MRTFA: variants seen among roughly 807,000 people sequenced by gnomAD.
The protein encoded by MRTFA is myocardin related transcription factor A, also known as myocardin-related transcription factor A.
A neutral mutation model predicts 83.5 loss-of-function variants in MRTFA; 20 were observed. The ratio of observed to expected loss-of-function variants is 0.24; its 90% CI spans 0.17 to 0.35. The LOEUF (loss-of-function observed/expected upper bound fraction) is 0.35, where lower values mean the gene tolerates loss of function less well. MRTFA is among the 10% of genes least tolerant of loss of function. The pLI is 1.00. For synonymous variants in MRTFA, 659 were observed against 541.2 expected (o/e 1.22, Z -3.02); for missense variants, 1,200 against 1,224.7 (o/e 0.98, Z 0.30).
Position 40,417,484 on chromosome 22 carries a change from G to A in MRTFA, c.2374C>T (p.Gln792Ter). 1 of 1,583,370 alleles carries A rather than the reference G, an allele frequency of 6.3e-7. No homozygotes were observed. The highest frequency in any genetic ancestry group is 8.6e-7 in the Non-Finnish European group (1 of 1,165,286). ...GGGGCAGGCGCTGGAGAGCCAGGCT[G>A]GGACGAGGGCTGGACAGGAGAGCAG... The change falls in exon 13 of 15, where the codon CAG (glutamine) becomes TAG (stop). Residue 792 changes from glutamine (Q) to a stop codon, truncating the protein, a stop_gained. Transcript: ENST00000355630. LOFTEE classifies it high-confidence loss of function.
rs2054921983 is a variant in MRTFA at position 40,524,263 on chromosome 22, T to C, written c.241+27843A>G. Reference sequence around the variant, plus strand: ...ATGAGCTGTGATTATGCCACTGCACTCCACCCTGGGCAGCAGAGTGAGACC... The same window carrying C: ...ATGAGCTGTGATTATGCCACTGCACCCCACCCTGGGCAGCAGAGTGAGACC... On this transcript the variant is annotated intron_variant, in intron 3 of 14. Transcript: ENST00000355630. 2.0e-5 allele frequency among the ~76,000 whole-genome samples: 3 copies of C among 152,122 alleles called. No individual in the cohort carries two copies. The South Asian group carries it at 6.2e-4, about 32-fold the overall frequency.
At chr22:40,447,193 G>A (rs2053395498) in intron 4 of MRTFA, among the ~76,000 whole-genome samples, 1 of 151,664 alleles carries the variant, frequency 6.6e-6, no homozygotes, top group Admixed American at 6.6e-5. Flanking sequence ...CCGTCTCTAT[G>A]AAAAATACAA....
At chr22:40,475,849 A>T (rs999618635) in intron 3 of MRTFA, among the ~76,000 whole-genome samples, 8 of 152,240 alleles carry the variant, frequency 5.3e-5, no homozygotes, top group African/African-American at 1.9e-4. Flanking sequence ...TAGGGTACAT[A>T]AAAATGGCGT....
intron 3 of MRTFA, chr22:40,522,772 C>T (rs934241091): frequency 6.6e-6 from 1 of 152,150 alleles, no homozygotes; most frequent in African/African-American, 2.4e-5. Flanking sequence ...GTGATCCGCC[C>T]CCCTCAACCT....
rs545273542 is a variant in MRTFA, at chr22:40,590,563, A to AG, written c.-22+4110dup. ...ACACCTGTAATCCCAGTTACTCAGG[A>AG]GGCTGAGGCACGAGAATTGCTTGAA... On this transcript the variant is annotated intron_variant, in intron 2 of 14. Transcript: ENST00000355630. Among the ~76,000 whole-genome samples the AG allele has an allele frequency of 7.3e-5, 11 of 151,536 alleles. 1 individual carries two copies. The South Asian group carries it at 2.1e-3, about 29-fold the overall frequency.
intron 1 of MRTFA, among the ~76,000 whole-genome samples, chr22:40,613,069 T>C (rs963993483): frequency 1.3e-5 from 2 of 152,240 alleles, no homozygotes; most frequent in Non-Finnish European, 2.9e-5. Flanking sequence ...TTTTGCCTAG[T>C]GTAGAACTTC....
At chr22:40,591,971 A>G (rs956961117) in intron 2 of MRTFA, among the ~76,000 whole-genome samples, 3 of 152,208 alleles carry the variant, frequency 2.0e-5, no homozygotes, top group Non-Finnish European at 2.9e-5. Context: ...CCAAAGGAGA[A>G]GGAAGACTTC....
intron 3 of MRTFA, among the ~76,000 whole-genome samples, chr22:40,499,786 G>C (rs1270286685): frequency 6.6e-6 from 1 of 151,882 alleles, no homozygotes; most frequent in African/African-American, 2.4e-5. Flanking sequence ...GACACCTTAA[G>C]GGTCAAACTG....
intron 1 of MRTFA, among the ~76,000 whole-genome samples, chr22:40,596,259 T>C (rs1041742272): frequency 2.6e-5 from 4 of 152,040 alleles, no homozygotes; most frequent in Non-Finnish European, 5.9e-5. Flanking sequence ...CGTAGCTCAG[T>C]TGGAAGAAGA....
chr22:40,614,431 A>G (rs989790904), intron 1 of MRTFA, among the ~76,000 whole-genome samples: 2 of 151,336 alleles, frequency 1.3e-5, no homozygotes, highest in Non-Finnish European at 2.9e-5. Context: ...AAAAAATATT[A>G]TATTTCCCTT....
At chr22:40,605,659 A>C (rs929697992) in intron 1 of MRTFA, among the ~76,000 whole-genome samples, 1 of 152,222 alleles carries the variant, frequency 6.6e-6, no homozygotes, top group Non-Finnish European at 1.5e-5. Flanking sequence ...TACCAAGAAG[A>C]ATTTTAAATG....
chr22:40,419,141 C>T lies in MRTFA; in HGVS notation c.1597G>A (p.Val533Met), dbSNP rs758579932. 6 of 1,587,022 alleles carry T rather than the reference C, an allele frequency of 3.8e-6. No homozygotes were observed. Among genetic ancestry groups the T allele is most frequent in the East Asian group, 2.3e-5 (1 of 43,026 alleles). Residue 533 changes from valine to methionine, a missense_variant, in exon 12 of 15, where the codon GTG becomes ATG. By Grantham distance (21) the Val-to-Met change is conservative. This residue lies in a region of MRTFA where 1,107 missense variants were observed against 1,041.8 expected (regional missense o/e 1.06). Transcript: ENST00000355630. ...ACCCCACTGCTGGCCACCGTGGCCA[C>T]CACCACCTCAGCTGGAGCCAGGCCT...
intron 3 of MRTFA, among the ~76,000 whole-genome samples, chr22:40,505,486 G>A (rs1485068304): frequency 2.6e-5 from 4 of 152,298 alleles, no homozygotes; most frequent in South Asian, 2.1e-4. Context: ...TAAAGTGCCC[G>A]ATACAAGAGA....
chr22:40,417,360 C>T lies in MRTFA; in HGVS notation c.2498G>A (p.Ser833Asn), dbSNP rs1793592780. ...CCTCACCTGCTGTTTGGGCTGCTGG[C>T]TCATGGCTTCCTCATAGCCAGGTGG... Residue 833 changes from serine to asparagine, a missense_variant, in exon 13 of 15, where the codon AGC (serine) becomes AAC (asparagine). By Grantham distance (46) the Ser-to-Asn change is conservative. Around this residue, in one of 2 missense-constraint regions of MRTFA, gnomAD observed 1,107 missense variants for 1,041.8 expected, o/e 1.06. Transcript: ENST00000355630. 1 of 1,611,364 alleles carries T rather than the reference C, an allele frequency of 6.2e-7. No individual in the cohort carries two copies. The highest frequency in any genetic ancestry group is 1.1e-5 in the South Asian group (1 of 90,686).
intron 3 of MRTFA, among the ~76,000 whole-genome samples, chr22:40,484,899 C>T (rs911651436): frequency 1.3e-5 from 2 of 151,474 alleles, no homozygotes; most frequent in African/African-American, 4.9e-5. Flanking sequence ...GGTGAAACCC[C>T]GTCTCTACTA....
intron 2 of MRTFA, among the ~76,000 whole-genome samples, chr22:40,573,960 G>C (rs1162265538): frequency 6.6e-6 from 1 of 152,002 alleles, no homozygotes. Flanking sequence ...ATGTTGCCCA[G>C]GCTGGTCTCG....
chr22:40,538,818 A>G (rs2055234329), intron 3 of MRTFA, among the ~76,000 whole-genome samples: 1 of 152,136 alleles, frequency 6.6e-6, no homozygotes, highest in Admixed American at 6.5e-5. Flanking sequence ...ACAAATGAAG[A>G]TGACTTCAAG....
At chr22:40,635,376 A>T (rs1435402486) in intron 1 of MRTFA, among the ~76,000 whole-genome samples, 1 of 152,208 alleles carries the variant, frequency 6.6e-6, no homozygotes, top group Admixed American at 6.5e-5. Flanking sequence ...GGCTTGATGT[A>T]GAAAGGACCC....
chr22:40,539,905 CT>C (rs367760561), intron 3 of MRTFA, among the ~76,000 whole-genome samples: 6,275 of 127,304 alleles, frequency 0.049, 146 homozygotes, highest in Non-Finnish European at 0.063. Context: ...TCACGGTTAT[CT>C]TTTTTTTTTT....
Sources: allele counts gnomAD v4.1 joint callset (sites outside exome capture counted in the v4.1 genomes callset), GRCh38; gene constraint gnomAD v4.1.1; regional missense constraint gnomAD v4.1.1; transcripts MANE v1.5; gene names NCBI Gene and HGNC (gene_info 2026-07-23, HGNC 2026-07-21).